The following SLC31A2 variants were observed in gnomAD, a reference collection of about 807,000 sequenced individuals.
SLC31A2 encodes solute carrier family 31 member 2, also known as protein SLC31A2.
SLC31A2 carries 16 observed loss-of-function variants against 14.4 expected under a neutral mutation model. The observed-to-expected ratio is 1.11, with a 90% confidence interval of 0.75 to 1.69. The LOEUF (loss-of-function observed/expected upper bound fraction) is 1.69. SLC31A2 is among the 40% of genes most tolerant of loss of function. The probability of loss-of-function intolerance (pLI) is 0.00; values close to 1 mark genes in which losing one functional copy is unlikely to be tolerated. For synonymous variants in SLC31A2, 56 were observed against 68.7 expected, an observed-to-expected ratio of 0.82 and a Z score of 0.91; for missense variants, 140 against 173.9, an observed-to-expected ratio of 0.81 and a Z score of 1.10.
At chr9:113,161,434 A>C (rs1830010718) in intron 2 of SLC31A2, 75 bp from the exon 3 acceptor site, 1 of 1,361,910 alleles carries the variant, frequency 7.3e-7, no homozygotes, top group African/African-American at 1.4e-5. Flanking sequence ...AGTGGATTCC[A>C]TGAACAGGTG....
intron 2 of SLC31A2, chr9:113,161,087 A>G (rs533326676): frequency 6.4e-6 from 1 of 157,162 alleles, no homozygotes; most frequent in African/African-American, 2.4e-5. Flanking sequence ...AAGTTAGGCA[A>G]GAACATAAAA....
chr9:113,154,218 A>AAG (rs1352115869), intron 1 of SLC31A2, among the ~76,000 whole-genome samples: 1 of 151,208 alleles, frequency 6.6e-6, no homozygotes, highest in Non-Finnish European at 1.5e-5. Context: ...GGTTTCAGGA[A>AAG]GAGTAGATAG....
intron 1 of SLC31A2, among the ~76,000 whole-genome samples, chr9:113,153,640 TAAATG>T (rs1410448131): frequency 6.6e-6 from 1 of 152,174 alleles, no homozygotes; most frequent in Non-Finnish European, 1.5e-5. Flanking sequence ...TGACACATAA[TAAATG>T]GAAGGTGAAC....
intron 2 of SLC31A2, among the ~76,000 whole-genome samples, chr9:113,160,359 A>T (rs10981658): frequency 3.9e-4 from 2 of 5,140 alleles, no homozygotes; most frequent in Non-Finnish European, 9.0e-4. Flanking sequence ...CTGTCCTTTT[A>T]AAAAAAATTA....
intron 1 of SLC31A2, among the ~76,000 whole-genome samples, chr9:113,152,484 G>T (rs1373666728): frequency 2.0e-5 from 3 of 152,170 alleles, no homozygotes; most frequent in Non-Finnish European, 4.4e-5. Flanking sequence ...AAACCATACA[G>T]TTCATCTTCC....
At chr9:113,155,418 C>T (rs1356921849) in intron 1 of SLC31A2, among the ~76,000 whole-genome samples, 2 of 152,180 alleles carry the variant, frequency 1.3e-5, no homozygotes, top group Non-Finnish European at 2.9e-5. Context: ...ATAATAATTC[C>T]CCTCTTGAAA....
intron 1 of SLC31A2, among the ~76,000 whole-genome samples, chr9:113,154,560 G>C (rs543114751): frequency 3.4e-4 from 52 of 152,330 alleles, no homozygotes; most frequent in African/African-American, 1.3e-3. Context: ...TTAGGGGCCT[G>C]AGGAGGCCCA....
At position 113,155,922 on chromosome 9, in the gene SLC31A2, T is replaced by C. The variant is rs1387723630; in HGVS notation, c.7-1805T>C. 5 of 397,450 alleles carry C rather than the reference T, an allele frequency of 1.3e-5. No individual in the cohort carries two copies. The East Asian group carries it at 3.0e-4, about 24-fold the overall frequency. 24.6% of individuals were successfully genotyped at this position (397,450 alleles called of 1,614,324 possible). On this transcript the variant is annotated intron_variant, in intron 1 of 3. Transcript: ENST00000259392. Reference sequence around the variant, plus strand: ...AACAAATGTGTTTTGTTCCAAATCCTGGACTCAGACTACTATTCTTTACTA... The same window carrying C: ...AACAAATGTGTTTTGTTCCAAATCCCGGACTCAGACTACTATTCTTTACTA...
chr9:113,157,332 A>G (rs1829947242), intron 1 of SLC31A2, among the ~76,000 whole-genome samples: 1 of 152,204 alleles, frequency 6.6e-6, no homozygotes, highest in Admixed American at 6.5e-5. Flanking sequence ...CCAGGCTTCC[A>G]TCACACGGGA....
intron 1 of SLC31A2, among the ~76,000 whole-genome samples, chr9:113,156,686 G>T (rs576771891): frequency 4.3e-4 from 66 of 152,296 alleles, no homozygotes; most frequent in Non-Finnish European, 8.5e-4. Context: ...ACCAGAGGGG[G>T]CCTTCACTTC....
rs1473282356 is a variant in SLC31A2 at position 113,157,791 on chromosome 9, C to G, written c.71C>G (p.Ala24Gly). Residue 24 changes from alanine (A) to glycine (G), a missense_variant and splice_region_variant, in exon 2 of 4, where the codon GCT (alanine) becomes GGT (glycine). By Grantham distance (60) the Ala-to-Gly change is moderately conservative. Coordinates refer to ENST00000259392, the MANE Select transcript of SLC31A2 (RefSeq NM_001860.3). ...GATTTCTGGAGTGTCCACAGTCCTG[C>G]TGGTAAGAATTGGGGACCTCAGACT... ...LFDFWSVHSP[A>G]GMALSVLVLL... The G allele has an allele frequency of 1.9e-6, 3 of 1,611,368 alleles. No individual in the cohort carries two copies. In the South Asian group the frequency reaches 3.3e-5, roughly 18 times the overall value.
At position 113,163,013 on chromosome 9, in the gene SLC31A2, C is replaced by A; in HGVS notation, c.*96C>A. ...ACTGCCCTTTCTTCTGATGGCTATT[C>A]CTCCACCTTATTCCCAGCCCCTGGA... On this transcript the variant is annotated 3_prime_UTR_variant, in exon 4 of 4. Coordinates refer to ENST00000259392, the MANE Select transcript of SLC31A2 (RefSeq NM_001860.3). 8.5e-7 allele frequency: 1 copy of A among 1,175,582 alleles called. No homozygotes were observed. The allele number at this position is 1,175,582 out of a possible 1,614,324, so 72.8% of individuals were successfully genotyped here.
Position 113,151,007 on chromosome 9 carries a change from G to A in SLC31A2, c.-68G>A, listed in dbSNP as rs1829855233. 1.2e-5 allele frequency: 16 copies of A among 1,287,792 alleles called. No individual in the cohort carries two copies. The highest frequency in any genetic ancestry group is 2.2e-4 in the Middle Eastern group (1 of 4,514). 79.8% of individuals were successfully genotyped at this position (1,287,792 alleles called of 1,614,324 possible). A position where few individuals can be genotyped will look rare whatever the true frequency, so the allele number is the denominator to read the frequency against. On this transcript the variant is annotated 5_prime_UTR_variant, in exon 1 of 4. Transcript: ENST00000259392. This position sits in a 1 kb window ranked among gnomAD's most constrained non-coding sequence, Gnocchi z 4.2. Reference sequence around the variant, plus strand: ...CGCGGCGGCGGCGGCGGCGGCGGTTGAACTGACTCGGAGCGAGGAGACCCG... The same window carrying A: ...CGCGGCGGCGGCGGCGGCGGCGGTTAAACTGACTCGGAGCGAGGAGACCCG...
intron 2 of SLC31A2, among the ~76,000 whole-genome samples, chr9:113,160,502 A>G (rs1391361223): frequency 1.3e-5 from 2 of 152,278 alleles, no homozygotes; most frequent in East Asian, 3.8e-4. Flanking sequence ...TGGGAACATT[A>G]CAATTCTATT....
chr9:113,156,257 A>C, intron 1 of SLC31A2: 1 of 424,028 alleles, frequency 2.4e-6, no homozygotes, highest in Non-Finnish European at 4.8e-6. Context: ...ACTGAGAGTA[A>C]CCCGCTTATA....
intron 2 of SLC31A2, chr9:113,158,006 G>A: frequency 4.6e-6 from 3 of 646,278 alleles, no homozygotes; most frequent in African/African-American, 1.8e-5. Context: ...CCTCACAAAG[G>A]CCGAGAGGCA....
intron 2 of SLC31A2, among the ~76,000 whole-genome samples, chr9:113,159,159 G>T (rs748577997): frequency 6.6e-6 from 1 of 151,982 alleles, no homozygotes; most frequent in Non-Finnish European, 1.5e-5. Context: ...TTTTGAAATG[G>T]AGTCTCTGTC....
rs150348468 is a variant in SLC31A2, at chr9:113,160,996, A to G, written c.74-513A>G. 3.4e-3 allele frequency: 518 copies of G among 152,888 alleles called. 3 individuals carry two copies. The highest frequency in any genetic ancestry group is 5.9e-3 in the Non-Finnish European group (401 of 68,478). 9.5% of individuals were successfully genotyped at this position (152,888 alleles called of 1,614,324 possible). ...GTTAATTTTACACAGCAGCTCTAAT[A>G]AGCACTTGATAGTTTTGGTAAAATA... On this transcript the variant is annotated intron_variant, in intron 2 of 3. Coordinates refer to ENST00000259392, the MANE Select transcript of SLC31A2 (RefSeq NM_001860.3).
At position 113,154,157 on chromosome 9, in the gene SLC31A2, A is replaced by G. The variant is rs76382147; in HGVS notation, c.6+3077A>G. Among the ~76,000 whole-genome samples the G allele has an allele frequency of 0.011, 1,718 of 152,308 alleles. 57 individuals carry two copies. The East Asian group carries it at 0.12, about 10-fold the overall frequency. ...CCCAACTAATTTTTGTATTTTTTGT[A>G]GAGACAGGGTTTTGCCATGTTGCCC... On this transcript the variant is annotated intron_variant, in intron 1 of 3. Coordinates refer to ENST00000259392, the MANE Select transcript of SLC31A2 (RefSeq NM_001860.3).
Sources: allele counts gnomAD v4.1 joint callset (sites outside exome capture counted in the v4.1 genomes callset), GRCh38; gene constraint gnomAD v4.1.1; non-coding constraint Gnocchi (gnomAD v3.1); transcripts MANE v1.5; gene names NCBI Gene and HGNC (gene_info 2026-07-23, HGNC 2026-07-21).